The following PCDHGA5 variants were observed in gnomAD, a reference collection of about 807,000 sequenced individuals.
PCDHGA5 encodes protocadherin gamma-A5.
In PCDHGA5, 36 loss-of-function variants were observed where a neutral mutation model predicts 56.7. The ratio of observed to expected loss-of-function variants is 0.64; its 90% CI spans 0.49 to 0.84. The LOEUF is 0.84. PCDHGA5 is among the 40% of genes least tolerant of loss of function. PCDHGA5 has a pLI of 0.00. For missense variants in PCDHGA5, 1,305 were observed against 1,201.5 expected (o/e 1.09, Z -1.27); for synonymous variants, 563 against 520.2 (o/e 1.08, Z -1.12).
chr5:141,389,916 G>C lies in PCDHGA5; in HGVS notation c.2421+23165G>C, dbSNP rs747654268. 3.1e-6 allele frequency: 5 copies of C among 1,613,904 alleles called. No individual in the cohort carries two copies. In the African/African-American group the frequency reaches 6.7e-5, roughly 22 times the overall value. ...GCTGCCGGATATCACTGACCGCCCC[G>C]ACCCCTCTGACCTCCAGGCTGAGCT... On this transcript the variant is annotated intron_variant, in intron 1 of 3. Transcript: ENST00000518069.
intron 1 of PCDHGA5, among the ~76,000 whole-genome samples, chr5:141,461,805 C>T (rs773854105): frequency 4.6e-5 from 7 of 151,854 alleles, no homozygotes; most frequent in Non-Finnish European, 8.8e-5. Flanking sequence ...AGGTGCCCAC[C>T]ACCACACCCA....
chr5:141,490,321 G>C lies in PCDHGA5; in HGVS notation c.2422-4486G>C. On this transcript the variant is annotated intron_variant, in intron 1 of 3. Coordinates refer to ENST00000518069, the MANE Select transcript of PCDHGA5 (RefSeq NM_018918.3). The surrounding 1 kb of genome is among the most constrained non-coding windows in gnomAD (Gnocchi z 5.4). ...GGCCTCTTTGGCCAACCCTGTCCTA[G>C]AGAGCACACCAGTGGGCACAGTAGT... 1.2e-6 allele frequency: 2 copies of C among 1,614,220 alleles called. No homozygotes were observed. The highest frequency in any genetic ancestry group is 1.7e-6 in the Non-Finnish European group (2 of 1,180,044).
At chr5:141,399,854 G>A (rs747617678) in intron 1 of PCDHGA5, 6 of 1,612,786 alleles carry the variant, frequency 3.7e-6, no homozygotes, top group Non-Finnish European at 5.1e-6. Context: ...ATGGTGCCGC[G>A]CGCTGCAGAG....
At chr5:141,385,374 T>A in intron 1 of PCDHGA5, 1 of 1,523,876 alleles carries the variant, frequency 6.6e-7, no homozygotes, top group Non-Finnish European at 8.8e-7. Context: ...TGCATGATAT[T>A]TCTCTATTAT....
rs759146011 is a variant in PCDHGA5, at chr5:141,477,635, G to A, written c.2422-17172G>A. 6.2e-7 allele frequency: 1 copy of A among 1,614,138 alleles called. No homozygotes were observed. The highest frequency in any genetic ancestry group is 8.5e-7 in the Non-Finnish European group (1 of 1,180,040). On this transcript the variant is annotated intron_variant, in intron 1 of 3. Coordinates refer to ENST00000518069, the MANE Select transcript of PCDHGA5 (RefSeq NM_018918.3). This position sits in a 1 kb window ranked among gnomAD's most constrained non-coding sequence, Gnocchi z 4.9. ...GCAAGGAGCTGAAACCGGGCTAGTG[G>A]GTCGCTATTTCACAATAAATCGTGA...
At position 141,489,369 on chromosome 5, in the gene PCDHGA5, G is replaced by A. The variant is rs371328808; in HGVS notation, c.2422-5438G>A. The A allele has an allele frequency of 4.5e-5, 73 of 1,613,474 alleles. No individual in the cohort carries two copies. Among genetic ancestry groups the A allele is most frequent in the African/African-American group, 4.1e-4 (31 of 74,894 alleles). ...TGGTGGAGGAGTCTGAGCCGGGGACGCTGGTGGGGAATGTTGCTCAGGATC... is the reference window on the plus strand; with the variant it reads ...TGGTGGAGGAGTCTGAGCCGGGGACACTGGTGGGGAATGTTGCTCAGGATC... On this transcript the variant is annotated intron_variant, in intron 1 of 3. Transcript: ENST00000518069. This position sits in a 1 kb window ranked among gnomAD's most constrained non-coding sequence, Gnocchi z 4.5.
rs1173627393 is a variant in PCDHGA5 at position 141,487,102 on chromosome 5, G to A, written c.2422-7705G>A. ...CAGCTGACCTCCCACCACAGAAGCT[G>A]GTCATTGTGGTAAAGGATAGTGGTA... On this transcript the variant is annotated intron_variant, in intron 1 of 3. Coordinates refer to ENST00000518069, the MANE Select transcript of PCDHGA5 (RefSeq NM_018918.3). This position sits in a 1 kb window ranked among gnomAD's most constrained non-coding sequence, Gnocchi z 5.0. 1 of 1,613,900 alleles carries A rather than the reference G, an allele frequency of 6.2e-7. No homozygotes were observed.
In PCDHGA5 at chr5:141,375,793, C is replaced by A. The variant is rs761231690; in HGVS notation, c.2421+9042C>A. 31 of 1,614,110 alleles carry A rather than the reference C, an allele frequency of 1.9e-5. No homozygotes were observed. The highest frequency in any genetic ancestry group is 2.5e-5 in the Non-Finnish European group (29 of 1,180,038). ...TCCTGTACCCCGCCCTCCCCACAGACGGTTCCACTGGCGTGGAGCTGGCGC... is the reference window on the plus strand; with the variant it reads ...TCCTGTACCCCGCCCTCCCCACAGAAGGTTCCACTGGCGTGGAGCTGGCGC... On this transcript the variant is annotated intron_variant, in intron 1 of 3. Coordinates refer to ENST00000518069, the MANE Select transcript of PCDHGA5 (RefSeq NM_018918.3).
At chr5:141,428,223 A>G in intron 1 of PCDHGA5, 1 of 1,169,680 alleles carries the variant, frequency 8.5e-7, no homozygotes. Context: ...TAGTCTTCGC[A>G]GACAGCCTGC....
At chr5:141,482,999 T>G (rs1031397558) in intron 1 of PCDHGA5, among the ~76,000 whole-genome samples, 3 of 151,950 alleles carry the variant, frequency 2.0e-5, no homozygotes, top group Non-Finnish European at 2.9e-5. Flanking sequence ...GCAGGAGAAT[T>G]GCTTGAACCC....
intron 1 of PCDHGA5, among the ~76,000 whole-genome samples, chr5:141,468,178 T>G (rs1033546956): frequency 1.3e-5 from 2 of 151,580 alleles, no homozygotes; most frequent in African/African-American, 4.8e-5. Context: ...TAGAAAAATT[T>G]GCTGGGCATG....
At chr5:141,470,227 C>A (rs1387947362) in intron 1 of PCDHGA5, among the ~76,000 whole-genome samples, 1 of 152,160 alleles carries the variant, frequency 6.6e-6, no homozygotes, top group Non-Finnish European at 1.5e-5. Flanking sequence ...AGCTTCTTCA[C>A]CAAACCCTTG....
intron 2 of PCDHGA5, among the ~76,000 whole-genome samples, chr5:141,500,027 G>C (rs1458308566): frequency 6.6e-6 from 1 of 151,808 alleles, no homozygotes; most frequent in Non-Finnish European, 1.5e-5. Flanking sequence ...ATATTTGAGT[G>C]AGTGTCTCTT....
In PCDHGA5 at chr5:141,511,028, T is replaced by G. The variant is rs1279056657; in HGVS notation, c.2651T>G (p.Leu884Arg). The G allele has an allele frequency of 3.7e-6, 6 of 1,614,084 alleles. No individual in the cohort carries two copies. The highest frequency in any genetic ancestry group is 1.7e-5 in the Admixed American group (1 of 60,004). ...LSARYGPQFT[L>R]QHVPDYRQNV... is the part of the protein sequence containing the mutation. The stretch of plus-strand genomic sequence containing the variant: ...GCCCGCTACGGACCCCAGTTCACCC[T>G]GCAGCACGTGCCCGACTACCGCCAG... Residue 884 changes from leucine to arginine, a missense_variant, in exon 4 of 4, where the codon CTG becomes CGG. Physicochemically the swap from Leu to Arg is moderately radical, Grantham distance 102. Transcript: ENST00000518069.
At chr5:141,383,303 C>T (rs1445366017) in intron 1 of PCDHGA5, 4 of 1,613,892 alleles carry the variant, frequency 2.5e-6, no homozygotes. Flanking sequence ...AGATTCTTGA[C>T]GGAAGAAATA....
At chr5:141,416,115 A>G (rs2095995433) in intron 1 of PCDHGA5, 2 of 155,406 alleles carry the variant, frequency 1.3e-5, no homozygotes, top group East Asian at 1.9e-4. Context: ...TTCAAACTAC[A>G]TTTTATATAT....
At chr5:141,374,816 C>T (rs771806207) in intron 1 of PCDHGA5, 1 of 1,613,964 alleles carries the variant, frequency 6.2e-7, no homozygotes, top group East Asian at 2.2e-5. Flanking sequence ...GTTTACTCAG[C>T]CTGTCTACCG....
At chr5:141,394,034 G>T in intron 1 of PCDHGA5, 1 of 1,613,540 alleles carries the variant, frequency 6.2e-7, no homozygotes, top group Non-Finnish European at 8.5e-7. Flanking sequence ...TAGTGACAAG[G>T]AAATATTTGG....
chr5:141,450,085 C>T (rs997781052), intron 1 of PCDHGA5, among the ~76,000 whole-genome samples: 3 of 149,208 alleles, frequency 2.0e-5, no homozygotes, highest in Non-Finnish European at 4.4e-5. Context: ...TGGCTCACTG[C>T]AACCTCCGCC....
Sources: gnomAD v4.1 joint callset for allele counts (sites outside exome capture counted in the v4.1 genomes callset) on GRCh38, gnomAD v4.1.1 for gene constraint, Gnocchi (gnomAD v3.1) non-coding constraint, MANE v1.5 for transcripts, NCBI Gene and HGNC (gene_info 2026-07-23, HGNC 2026-07-21) for gene names.